The following GRID1 variants were observed in gnomAD, a reference collection of about 807,000 sequenced individuals.
The protein encoded by GRID1 is glutamate ionotropic receptor delta type subunit 1, also known as glutamate receptor ionotropic, delta-1.
A neutral mutation model predicts 98.0 loss-of-function variants in GRID1; 28 were observed. That is an observed-to-expected ratio of 0.29 (90% confidence interval 0.21 to 0.39). The LOEUF is 0.39. Among genes scored for constraint, GRID1 ranks in the 10% least tolerant of loss-of-function variants. The probability of loss-of-function intolerance (pLI) is 1.00; values close to 1 mark genes in which losing one functional copy is unlikely to be tolerated. For synonymous variants in GRID1, 553 were observed against 538.5 expected, an observed-to-expected ratio of 1.03 and a Z score of -0.37; for missense variants, 1,111 against 1,340.5, an observed-to-expected ratio of 0.83 and a Z score of 2.67.
At chr10:86,078,414 G>T (rs1020804852) in intron 4 of GRID1, among the ~76,000 whole-genome samples, 2 of 152,218 alleles carry the variant, frequency 1.3e-5, no homozygotes, top group African/African-American at 4.8e-5. Flanking sequence ...GCAGCTGGCT[G>T]CCCTGGGCAC....
intron 2 of GRID1, among the ~76,000 whole-genome samples, chr10:86,260,618 G>A (rs963267922): frequency 1.3e-5 from 2 of 152,244 alleles, no homozygotes; most frequent in Non-Finnish European, 2.9e-5. Context: ...AGGGAGGGCT[G>A]TTAAGAGCTG....
At chr10:85,753,700 T>C (rs538597897) in intron 8 of GRID1, among the ~76,000 whole-genome samples, 1 of 152,370 alleles carries the variant, frequency 6.6e-6, no homozygotes, top group South Asian at 2.1e-4. Flanking sequence ...AGCTATGTCC[T>C]GATAGGTGTA....
chr10:85,761,673 G>C (rs1168341339), intron 8 of GRID1, among the ~76,000 whole-genome samples: 1 of 152,208 alleles, frequency 6.6e-6, no homozygotes, highest in East Asian at 1.9e-4. Flanking sequence ...AGCTGGGATA[G>C]AGGCCAGGAG....
chr10:85,772,125 TCA>T (rs1300191245), intron 8 of GRID1, among the ~76,000 whole-genome samples: 1 of 152,156 alleles, frequency 6.6e-6, no homozygotes, highest in Non-Finnish European at 1.5e-5. Flanking sequence ...AAACTGTCTC[TCA>T]GACCACAGTG....
chr10:85,865,561 G>A (rs933167726), intron 6 of GRID1, among the ~76,000 whole-genome samples: 1 of 152,030 alleles, frequency 6.6e-6, no homozygotes, highest in African/African-American at 2.4e-5. Context: ...ATTTCCAAAA[G>A]GATCTTCACT....
At chr10:85,895,016 A>ATATATATATATATAT (rs1554838331) in intron 5 of GRID1, among the ~76,000 whole-genome samples, 4 of 97,106 alleles carry the variant, frequency 4.1e-5, no homozygotes, top group Non-Finnish European at 6.2e-5. Flanking sequence ...AAAAAAAAAA[A>ATATATATATATATAT]ATATATATAT....
intron 3 of GRID1, among the ~76,000 whole-genome samples, chr10:86,155,879 G>T (rs1248017682): frequency 6.6e-6 from 1 of 152,198 alleles, no homozygotes; most frequent in East Asian, 1.9e-4. Flanking sequence ...GCCTGAGGAG[G>T]ATGGGAAGGC....
chr10:86,080,558 G>A (rs909042421), intron 4 of GRID1, among the ~76,000 whole-genome samples: 1 of 151,822 alleles, frequency 6.6e-6, no homozygotes, highest in Non-Finnish European at 1.5e-5. Context: ...GGAGTAAGAT[G>A]AAGCCCAGGG....
At chr10:85,662,984 C>T (rs1486483475) in intron 12 of GRID1, among the ~76,000 whole-genome samples, 3 of 152,186 alleles carry the variant, frequency 2.0e-5, no homozygotes, top group African/African-American at 7.2e-5. Flanking sequence ...CTCTCTCCTG[C>T]CTCTGGTCCC....
At chr10:86,354,146 G>A (rs1848501759) in intron 2 of GRID1, among the ~76,000 whole-genome samples, 1 of 152,260 alleles carries the variant, frequency 6.6e-6, no homozygotes, top group African/African-American at 2.4e-5. Context: ...AGAGCGCCAT[G>A]GGGGACAGAC....
At chr10:85,615,496 T>C (rs186431185) in intron 14 of GRID1, among the ~76,000 whole-genome samples, 1 of 152,344 alleles carries the variant, frequency 6.6e-6, no homozygotes, top group Non-Finnish European at 1.5e-5. Flanking sequence ...TAATGAAAAC[T>C]TGACTAAGAT....
At chr10:85,974,373 G>A (rs1457854096) in intron 4 of GRID1, among the ~76,000 whole-genome samples, 1 of 152,150 alleles carries the variant, frequency 6.6e-6, no homozygotes, top group Non-Finnish European at 1.5e-5. Context: ...GGACTAAATG[G>A]GATAATGTCT....
intron 2 of GRID1, among the ~76,000 whole-genome samples, chr10:86,249,248 A>G (rs557516922): frequency 6.6e-6 from 1 of 152,242 alleles, no homozygotes; most frequent in South Asian, 2.1e-4. Context: ...TGGCAGCAGG[A>G]CCTATGTCCT....
intron 8 of GRID1, among the ~76,000 whole-genome samples, chr10:85,778,363 G>A (rs1842351442): frequency 6.6e-6 from 1 of 152,256 alleles, no homozygotes; most frequent in Middle Eastern, 3.4e-3. Flanking sequence ...GGGGTTGAGA[G>A]GTGGGGACAG....
rs781490817 is a variant in GRID1 at position 85,602,420 on chromosome 10, C to T, written c.2883G>A (p.Met961Ile). 2 of 1,613,950 alleles carry T rather than the reference C, an allele frequency of 1.2e-6. No homozygotes were observed. Among genetic ancestry groups the T allele is most frequent in the African/African-American group, 2.7e-5 (2 of 74,948 alleles). ...ACCTGTGTTTGCACTGCATGGAGGG[C>T]ATGGTCGCCGAGCTGCTCAGCGGCA... ...LPLPLSSSAT[M>I]PSMQCKHRSP... Residue 961 changes from methionine to isoleucine, a missense_variant, in exon 16 of 16, where the codon ATG (methionine) becomes ATA (isoleucine). Met to Ile is a conservative substitution (Grantham distance 10). Transcript: ENST00000327946.
At chr10:85,991,873 G>T (rs998023870) in intron 4 of GRID1, among the ~76,000 whole-genome samples, 11 of 152,136 alleles carry the variant, frequency 7.2e-5, no homozygotes, top group Non-Finnish European at 1.6e-4. Context: ...TGGGAGGAGG[G>T]TTGCTTTCTT....
chr10:86,228,401 A>T (rs990049386), intron 2 of GRID1, among the ~76,000 whole-genome samples: 4 of 151,970 alleles, frequency 2.6e-5, no homozygotes, highest in African/African-American at 9.7e-5. Context: ...ACTCCACACC[A>T]CCCAACCACA....
At chr10:85,772,537 G>A (rs1371662270) in intron 8 of GRID1, among the ~76,000 whole-genome samples, 1 of 152,090 alleles carries the variant, frequency 6.6e-6, no homozygotes, top group Admixed American at 6.5e-5. Flanking sequence ...TCCAGGAGCT[G>A]GTTTTTTGAA....
intron 8 of GRID1, among the ~76,000 whole-genome samples, chr10:85,790,703 T>G (rs1842470667): frequency 6.6e-6 from 1 of 152,094 alleles, no homozygotes. Flanking sequence ...GTCAGGTGCA[T>G]ATGAGAATGG....
Sources: allele counts gnomAD v4.1 joint callset (sites outside exome capture counted in the v4.1 genomes callset), GRCh38; gene constraint gnomAD v4.1.1; transcripts MANE v1.5; gene names NCBI Gene and HGNC (gene_info 2026-07-23, HGNC 2026-07-21).